PDCD5: variants seen among roughly 807,000 people sequenced by gnomAD.
PDCD5 encodes programmed cell death 5.
PDCD5 carries 23 observed loss-of-function variants against 21.9 expected under a neutral mutation model. The ratio of observed to expected loss-of-function variants is 1.05; its 90% confidence interval spans 0.76 to 1.49. PDCD5 has a LOEUF of 1.49. Ranked by LOEUF, PDCD5 falls within the 40% of genes most tolerant of loss-of-function variation. The probability of loss-of-function intolerance (pLI) is 0.00; values close to 1 mark genes in which losing one functional copy is unlikely to be tolerated. For synonymous variants in PDCD5, 45 were observed against 49.4 expected (o/e 0.91, Z 0.37); for missense variants, 152 against 147.7 (o/e 1.03, Z -0.15).
chr19:32,582,355 CAA>C (rs1425679679), intron 2 of PDCD5, 123 bp downstream of exon 2: 2 of 760,258 alleles, frequency 2.6e-6, no homozygotes, highest in Admixed American at 2.3e-5. Flanking sequence ...GTGATTTGGC[CAA>C]AATCATCCGC....
At chr19:32,586,288 G>T (rs527524112) in intron 4 of PDCD5, 1 of 1,393,138 alleles carries the variant, frequency 7.2e-7, no homozygotes, top group African/African-American at 1.4e-5. Context: ...TCTCTGTGTT[G>T]CTGTAATACC....
chr19:32,586,720 C>A (rs1337824426), intron 4 of PDCD5, 138 bp from the exon 5 acceptor site: 27 of 1,375,242 alleles, frequency 2.0e-5, no homozygotes, highest in Non-Finnish European at 2.5e-5. Flanking sequence ...CCAATAGTTT[C>A]AACCTCCTGC....
At chr19:32,582,092 A>T in intron 1 of PDCD5, 103 bp from the exon 2 acceptor site, 3 of 773,090 alleles carry the variant, frequency 3.9e-6, no homozygotes, top group African/African-American at 1.8e-5. Context: ...AGTTGTTTCT[A>T]CCACCGCAAG....
At chr19:32,585,684 C>A in intron 3 of PDCD5, 132 bp from the exon 4 acceptor site, 1 of 634,584 alleles carries the variant, frequency 1.6e-6, no homozygotes. Context: ...AGAGGAGTAA[C>A]AATACTGTCT....
At chr19:32,583,478 T>C (rs1029838962) in intron 2 of PDCD5, among the ~76,000 whole-genome samples, 1 of 151,076 alleles carries the variant, frequency 6.6e-6, no homozygotes, top group Non-Finnish European at 1.5e-5. Flanking sequence ...TTTAATAGCC[T>C]CGCTATATCA....
chr19:32,582,082 AGTT>A, intron 1 of PDCD5, 110 bp from the exon 2 acceptor site: 1 of 717,478 alleles, frequency 1.4e-6, no homozygotes, highest in Admixed American at 2.6e-5. Flanking sequence ...TTATTTGGGG[AGTT>A]GTTTCTACCA....
intron 2 of PDCD5, among the ~76,000 whole-genome samples, chr19:32,582,741 G>A (rs1971440704): frequency 2.6e-5 from 4 of 152,184 alleles, no homozygotes; most frequent in Admixed American, 2.6e-4. Context: ...ATTTTTAAGT[G>A]TGCTCTTCAG....
intron 4 of PDCD5, chr19:32,586,633 T>C: frequency 7.9e-7 from 1 of 1,261,242 alleles, no homozygotes; most frequent in South Asian, 2.5e-5. Context: ...GAAGCAATTT[T>C]ATGGATACTT....
Position 32,581,231 on chromosome 19 carries a change from A to G in PDCD5, c.-31A>G, listed in dbSNP as rs1360491508. 6.8e-7 allele frequency: 1 copy of G among 1,465,040 alleles called. No individual in the cohort carries two copies. The highest frequency in any genetic ancestry group is 2.3e-5 in the Admixed American group (1 of 44,322). 90.8% of individuals were successfully genotyped at this position (1,465,040 alleles called of 1,614,324 possible). ...CTCGCGCCGAGGGGCTGCGAGAGTG[A>G]CCGCGGCTGCTCCAGCGCTGACGCC... On this transcript the variant is annotated 5_prime_UTR_variant, in exon 1 of 6. Coordinates refer to ENST00000590247, the MANE Select transcript of PDCD5 (RefSeq NM_004708.4).
intron 2 of PDCD5, 67 bp downstream of exon 2, chr19:32,582,299 A>G (rs1481981541): frequency 1.4e-6 from 2 of 1,397,980 alleles, no homozygotes; most frequent in Admixed American, 1.8e-5. Flanking sequence ...TGCTGTAGTT[A>G]TTTTAAGCAG....
In PDCD5 at chr19:32,582,204, G is replaced by C; in HGVS notation, c.76G>C (p.Asp26His). Residue 26 changes from aspartate (D) to histidine (H), a missense_variant, in exon 2 of 6, where the codon GAT becomes CAT. Coordinates refer to ENST00000590247, the MANE Select transcript of PDCD5 (RefSeq NM_004708.4). ...ELQAKHGDPG[D>H]AAQQEAKHRE... ...AGTTTTTTTTTTCCAGGATCCTGGT[G>C]ATGCGGCCCAACAGGAAGCAAAGCA... 1 of 1,612,652 alleles carries C rather than the reference G, an allele frequency of 6.2e-7. No homozygotes were observed. The highest frequency in any genetic ancestry group is 8.5e-7 in the Non-Finnish European group (1 of 1,179,078).
rs1385734072 is a variant in PDCD5 at position 32,582,216 on chromosome 19, C to G, written c.88C>G (p.Gln30Glu). The G allele has an allele frequency of 6.2e-7, 1 of 1,612,662 alleles. No homozygotes were observed. The highest frequency in any genetic ancestry group is 1.3e-5 in the African/African-American group (1 of 74,744). ...CCAGGATCCTGGTGATGCGGCCCAA[C>G]AGGAAGCAAAGCACAGGTATGGGCT... The part of the protein sequence containing the change: ...KHGDPGDAAQ[Q>E]EAKHREAEMR... Residue 30 changes from glutamine to glutamate, a missense_variant, in exon 2 of 6, where the codon CAG (glutamine) becomes GAG (glutamate). Transcript: ENST00000590247.
rs1388836618 is a variant in PDCD5, at chr19:32,587,380, T to C, written c.*80T>C. 1.0e-6 allele frequency: 1 copy of C among 967,152 alleles called. No homozygotes were observed. The highest frequency in any genetic ancestry group is 1.6e-6 in the Non-Finnish European group (1 of 619,696). The allele number at this position is 967,152 out of a possible 1,614,324, so 59.9% of individuals were successfully genotyped here. On this transcript the variant is annotated 3_prime_UTR_variant, in exon 6 of 6. Coordinates refer to ENST00000590247, the MANE Select transcript of PDCD5 (RefSeq NM_004708.4). ...AGATCTGATTATTTACTTTGTTTATTGTCTATATGCCTTTTAAAAAAATAA... is the reference window on the plus strand; with the variant it reads ...AGATCTGATTATTTACTTTGTTTATCGTCTATATGCCTTTTAAAAAAATAA...
chr19:32,585,842 G>A lies in PDCD5; in HGVS notation c.193G>A (p.Glu65Lys). The change falls in exon 4 of 6, where the codon GAA becomes AAA. Residue 65 changes from glutamate (E) to lysine (K), a missense_variant. Glu to Lys is a moderately conservative substitution (Grantham distance 56, BLOSUM62 1). Coordinates refer to ENST00000590247, the MANE Select transcript of PDCD5 (RefSeq NM_004708.4). ...RLSNLALVKP[E>K]KTKAVENYLI... Reference sequence around the variant, plus strand: ...AAGTAACTTAGCACTTGTAAAGCCTGAAAAAACTAAAGCAGTAGAGAATTA... The same window carrying A: ...AAGTAACTTAGCACTTGTAAAGCCTAAAAAAACTAAAGCAGTAGAGAATTA... 1 of 1,607,658 alleles carries A rather than the reference G, an allele frequency of 6.2e-7. No individual in the cohort carries two copies. Among genetic ancestry groups the A allele is most frequent in the Non-Finnish European group, 8.5e-7 (1 of 1,174,280 alleles).
intron 1 of PDCD5, among the ~76,000 whole-genome samples, chr19:32,581,987 A>G (rs1002824183): frequency 6.6e-6 from 1 of 152,188 alleles, no homozygotes; most frequent in East Asian, 1.9e-4. Context: ...CTGTATTCCA[A>G]AGCCTTCTGA....
In PDCD5 at chr19:32,585,878, A is replaced by G; in HGVS notation, c.229A>G (p.Met77Val). The G allele has an allele frequency of 6.2e-7, 1 of 1,611,692 alleles. No homozygotes were observed. The highest frequency in any genetic ancestry group is 1.1e-5 in the South Asian group (1 of 91,036). ...TKAVENYLIQMARYGQLSEKV... is the reference protein window; with the variant it reads ...TKAVENYLIQVARYGQLSEKV... ...AGCAGTAGAGAATTACCTTATACAG[A>G]TGGCAAGATATGGACAACTAAGTGA... The change falls in exon 4 of 6, where the codon ATG (methionine) becomes GTG (valine). Residue 77 changes from methionine (M) to valine (V), a missense_variant. Met to Val is a conservative substitution (Grantham distance 21, BLOSUM62 1). Coordinates refer to ENST00000590247, the MANE Select transcript of PDCD5 (RefSeq NM_004708.4).
intron 1 of PDCD5, among the ~76,000 whole-genome samples, 188 bp from the exon 2 acceptor site, chr19:32,582,004 GGTT>G (rs1971431752): frequency 6.6e-6 from 1 of 152,124 alleles, no homozygotes; most frequent in Non-Finnish European, 1.5e-5. Context: ...CTGAGGTTGT[GGTT>G]TTAGACGTTC....
chr19:32,583,610 A>G (rs1971450173), intron 2 of PDCD5, among the ~76,000 whole-genome samples: 1 of 151,710 alleles, frequency 6.6e-6, no homozygotes. Flanking sequence ...ATTTTTAGAG[A>G]TACGTAAAAC....
chr19:32,587,048 G>A (rs1317295306), intron 5 of PDCD5, 119 bp downstream of exon 5: 68 of 998,610 alleles, frequency 6.8e-5, no homozygotes, highest in Non-Finnish European at 2.4e-5. Context: ...TGTCAAACAC[G>A]TGAAAGTTTG....
Sources: gnomAD v4.1 joint callset for allele counts (sites outside exome capture counted in the v4.1 genomes callset) on GRCh38, gnomAD v4.1.1 for gene constraint, MANE v1.5 for transcripts, NCBI Gene and HGNC (gene_info 2026-07-23, HGNC 2026-07-21) for gene names.